TP63: variants seen among roughly 807,000 people sequenced by gnomAD.
TP63 encodes the protein tumor protein p63.
In TP63, 17 loss-of-function variants were observed where a neutral mutation model predicts 82.8. The ratio of observed to expected loss-of-function variants is 0.21; its 90% CI spans 0.14 to 0.31. The LOEUF is 0.31. Ranked by LOEUF, TP63 falls within the 10% of genes least tolerant of loss-of-function variation. TP63 has a pLI of 1.00. For missense variants in TP63, 648 were observed against 895.3 expected (o/e 0.72, Z 3.52); for synonymous variants, 330 against 321.7 (o/e 1.03, Z -0.28).
chr3:189,676,395 A>G (rs1169240434), intron 1 of TP63, among the ~76,000 whole-genome samples: 1 of 152,066 alleles, frequency 6.6e-6, no homozygotes, highest in Non-Finnish European at 1.5e-5. Context: ...TCCATATGTA[A>G]GTGGGATCAT....
chr3:189,727,793 A>G (rs965463651), intron 1 of TP63, among the ~76,000 whole-genome samples: 15 of 152,144 alleles, frequency 9.9e-5, no homozygotes, highest in Non-Finnish European at 1.8e-4. Context: ...ACTTATTCAA[A>G]TGTCTCCTAA....
chr3:189,637,545 C>T (rs992884240), intron 1 of TP63, among the ~76,000 whole-genome samples: 1 of 152,126 alleles, frequency 6.6e-6, no homozygotes, highest in African/African-American at 2.4e-5. Flanking sequence ...TGTCAAAGAT[C>T]ACACAGCAAA....
chr3:189,730,658 C>T (rs1485403982), intron 1 of TP63, among the ~76,000 whole-genome samples: 2 of 152,148 alleles, frequency 1.3e-5, no homozygotes, highest in African/African-American at 4.8e-5. Flanking sequence ...AGGTTTATAC[C>T]TATTTGTGAT....
intron 10 of TP63, chr3:189,881,008 T>TGGTG (rs1719851352): frequency 3.0e-6 from 3 of 985,410 alleles, no homozygotes; most frequent in Middle Eastern, 5.2e-4. Flanking sequence ...TCCACCCCAG[T>TGGTG]AATATTGCCC....
At chr3:189,874,458 C>G (rs188943112) in intron 10 of TP63, among the ~76,000 whole-genome samples, 3 of 152,068 alleles carry the variant, frequency 2.0e-5, no homozygotes, top group African/African-American at 4.8e-5. Context: ...GTGGAGTAGA[C>G]GGCAGGGAGA....
At chr3:189,796,401 A>C (rs1725708122) in intron 3 of TP63, among the ~76,000 whole-genome samples, 1 of 151,950 alleles carries the variant, frequency 6.6e-6, no homozygotes, top group Non-Finnish European at 1.5e-5. Flanking sequence ...AATTGAAGAG[A>C]TAATAACAGG....
chr3:189,698,210 C>T (rs1717536422), intron 1 of TP63, among the ~76,000 whole-genome samples: 1 of 152,056 alleles, frequency 6.6e-6, no homozygotes, highest in South Asian at 2.1e-4. Context: ...CTCCTATACT[C>T]CCAATGTCCT....
At chr3:189,776,694 C>T (rs116499200) in intron 3 of TP63, among the ~76,000 whole-genome samples, 82 of 152,284 alleles carry the variant, frequency 5.4e-4, no homozygotes, top group African/African-American at 1.9e-3. Flanking sequence ...CTAATTAGCC[C>T]TGCAGGTCAG....
intron 4 of TP63, among the ~76,000 whole-genome samples, chr3:189,843,227 G>A (rs563599296): frequency 2.6e-5 from 4 of 152,326 alleles, no homozygotes; most frequent in African/African-American, 9.6e-5. Flanking sequence ...CCCTGCAGAG[G>A]TTTTGCTGCT....
At chr3:189,796,600 TG>T (rs1725732512) in intron 3 of TP63, among the ~76,000 whole-genome samples, 1 of 151,960 alleles carries the variant, frequency 6.6e-6, no homozygotes, top group Non-Finnish European at 1.5e-5. Context: ...AAGCATCAAA[TG>T]TTAACATATG....
intron 1 of TP63, among the ~76,000 whole-genome samples, chr3:189,710,247 A>G (rs1180448821): frequency 6.6e-6 from 1 of 152,132 alleles, no homozygotes; most frequent in Non-Finnish European, 1.5e-5. Context: ...GATAGATATT[A>G]TTACCTCCCT....
At chr3:189,675,167 G>A (rs1157333142) in intron 1 of TP63, among the ~76,000 whole-genome samples, 1 of 151,978 alleles carries the variant, frequency 6.6e-6, no homozygotes, top group Non-Finnish European at 1.5e-5. Context: ...CTGGCTCTCT[G>A]GAGTCTTTTA....
At chr3:189,884,070 C>T (rs1720193961) in intron 10 of TP63, among the ~76,000 whole-genome samples, 1 of 152,272 alleles carries the variant, frequency 6.6e-6, no homozygotes, top group South Asian at 2.1e-4. Context: ...AGAGAGGTCT[C>T]CTCAGGTTAC....
rs551117965 is a variant in TP63 at position 189,635,630 on chromosome 3, C to T, written c.62+4053C>T. Reference sequence around the variant, plus strand: ...CTCTCAGAGGCCCTTGCTGCAGGTCCGAGTCCCCTGACTTTGAGTAGTTAC... The same window carrying T: ...CTCTCAGAGGCCCTTGCTGCAGGTCTGAGTCCCCTGACTTTGAGTAGTTAC... On this transcript the variant is annotated intron_variant, in intron 1 of 13. Transcript: ENST00000264731. 3.3e-5 allele frequency among the ~76,000 whole-genome samples: 5 copies of T among 152,170 alleles called. No homozygotes were observed. The South Asian group carries it at 6.2e-4, about 19-fold the overall frequency.
chr3:189,772,134 A>G lies in TP63; in HGVS notation c.324+33360A>G, dbSNP rs548539308. Reference sequence around the variant, plus strand: ...AATTTGCTTCTTGTCCCTTTCCCAAAGTTTTATGTATATCTTCCCAAGCAT... The same window carrying G: ...AATTTGCTTCTTGTCCCTTTCCCAAGGTTTTATGTATATCTTCCCAAGCAT... On this transcript the variant is annotated intron_variant, in intron 3 of 13. Coordinates refer to ENST00000264731, the MANE Select transcript of TP63 (RefSeq NM_003722.5). 2.0e-5 allele frequency among the ~76,000 whole-genome samples: 3 copies of G among 152,284 alleles called. No homozygotes were observed. The East Asian group carries it at 5.8e-4, about 29-fold the overall frequency.
chr3:189,731,877 G>A (rs1720199440), intron 1 of TP63, among the ~76,000 whole-genome samples: 1 of 152,114 alleles, frequency 6.6e-6, no homozygotes, highest in African/African-American at 2.4e-5. Flanking sequence ...AGATAGGTAG[G>A]ATTTGCTTCA....
At chr3:189,891,018 C>G in intron 13 of TP63, 136 bp downstream of exon 13, 2 of 764,400 alleles carry the variant, frequency 2.6e-6, no homozygotes, top group South Asian at 3.1e-5. Flanking sequence ...TTGATAGAAC[C>G]CATAACTATG....
chr3:189,783,167 C>T (rs1515502), intron 3 of TP63, among the ~76,000 whole-genome samples: 72,517 of 151,516 alleles, frequency 0.48, 17,609 homozygotes, highest in East Asian at 0.58. Flanking sequence ...AGTTTAATTT[C>T]TTTAATTTTA....
At chr3:189,732,460 T>C (rs1164494021) in intron 1 of TP63, among the ~76,000 whole-genome samples, 1 of 152,220 alleles carries the variant, frequency 6.6e-6, no homozygotes, top group Non-Finnish European at 1.5e-5. Flanking sequence ...TGTGACACTT[T>C]AAAAACTCAA....
Sources: allele counts gnomAD v4.1 joint callset (sites outside exome capture counted in the v4.1 genomes callset), GRCh38; gene constraint gnomAD v4.1.1; transcripts MANE v1.5; gene names NCBI Gene and HGNC (gene_info 2026-07-23, HGNC 2026-07-21).